Variants in IGLON5 observed in about 807,000 individuals in gnomAD.
IGLON5 encodes the protein IgLON family member 5.
A neutral mutation model predicts 38.2 loss-of-function variants in IGLON5; 16 were observed. The observed-to-expected ratio is 0.42, with a 90% CI of 0.28 to 0.64. IGLON5 has a LOEUF of 0.64. Ranked by LOEUF, IGLON5 falls within the 30% of genes least tolerant of loss-of-function variation. IGLON5 has a pLI of 0.23. For missense variants in IGLON5, 366 were observed against 483.4 expected (o/e 0.76, Z 2.28); for synonymous variants, 207 against 216.4 (o/e 0.96, Z 0.38).
At chr19:51,326,083 C>T (rs955551950) in intron 4 of IGLON5, among the ~76,000 whole-genome samples, 7 of 152,100 alleles carry the variant, frequency 4.6e-5, no homozygotes, top group African/African-American at 1.7e-4. Flanking sequence ...ACCCACCAGC[C>T]CTTTTATGTG....
At chr19:51,315,008 C>T (rs73932710) in intron 1 of IGLON5, among the ~76,000 whole-genome samples, 4,853 of 152,166 alleles carry the variant, frequency 0.032, 269 homozygotes, top group African/African-American at 0.11. Context: ...AAAATAGAAA[C>T]AAAATAAGCC....
rs925158830 is a variant in IGLON5 at position 51,326,970 on chromosome 19, A to G, written c.646+72A>G. On this transcript the variant is annotated intron_variant, in intron 5 of 7. Coordinates refer to ENST00000270642, the MANE Select transcript of IGLON5 (RefSeq NM_001101372.3). ...TCCCTGGGGAGGAGGGATCTGGGGG[A>G]AGAGGAAGCGGGGGCGAGACTTACG... is the stretch of plus-strand genomic sequence containing the variant. 1.9e-6 allele frequency: 3 copies of G among 1,572,392 alleles called. No individual in the cohort carries two copies. The African/African-American group carries it at 4.1e-5, about 21-fold the overall frequency.
rs560149565 is a variant in IGLON5 at position 51,311,964 on chromosome 19, G to T, written c.79+38G>T. ...CGGGGGCGGGGGGCTCGGCCGGGACGCCAGGGTCTTGGGTGGGTAATCGGG... is the reference window on the plus strand; with the variant it reads ...CGGGGGCGGGGGGCTCGGCCGGGACTCCAGGGTCTTGGGTGGGTAATCGGG... On this transcript the variant is annotated intron_variant, in intron 1 of 7. Transcript: ENST00000270642. The T allele has an allele frequency of 2.1e-3, 2,487 of 1,180,968 alleles. 40 individuals are homozygous for T. The African/African-American group carries it at 0.034, about 16-fold the overall frequency. The allele number at this position is 1,180,968 out of a possible 1,614,324, so 73.2% of individuals were successfully genotyped here. A position where few individuals can be genotyped will look rare whatever the true frequency, so the allele number is the denominator to read the frequency against.
Position 51,325,700 on chromosome 19 carries a change from G to C in IGLON5, c.511+235G>C, listed in dbSNP as rs1475659131. ...CTGGGCCACTGCTTCTGCGTCACTT[G>C]CCAAACCCCAGCCTGCGTCACTTCC... On this transcript the variant is annotated intron_variant, in intron 4 of 7. Transcript: ENST00000270642. This position sits in a 1 kb window ranked among gnomAD's most constrained non-coding sequence, Gnocchi z 5.5. 3.3e-5 allele frequency among the ~76,000 whole-genome samples: 5 copies of C among 152,072 alleles called. No homozygotes were observed. The highest frequency in any genetic ancestry group is 9.7e-5 in the African/African-American group (4 of 41,378).
rs1447415027 is a variant in IGLON5, at chr19:51,326,766, G to C, written c.514G>C (p.Gly172Arg). 2.4e-5 allele frequency: 37 copies of C among 1,547,536 alleles called. No homozygotes were observed. In the Admixed American group the frequency reaches 7.1e-4, roughly 30 times the overall value. ...PTVTWRQLRD[G>R]FTSEGEILEI... ...CCTCCTCCTCCTTCCCCCCACAGAC[G>C]GCTTCACCTCGGAGGGAGAGATCCT... Residue 172 changes from glycine to arginine, a missense_variant and splice_region_variant, in exon 5 of 8, where the codon GGC becomes CGC. By Grantham distance (125) the Gly-to-Arg change is moderately radical (BLOSUM62 -2). Transcript: ENST00000270642.
Position 51,327,889 on chromosome 19 carries a change from G to C in IGLON5, c.922+3G>C. On this transcript the variant is annotated splice_donor_region_variant and intron_variant, in intron 7 of 7. Transcript: ENST00000270642. This position sits in a 1 kb window ranked among gnomAD's most constrained non-coding sequence, Gnocchi z 7.1. ...CAGCGCCTCCATGCGGCTCCTGCGT[G>C]CGTCTTCGGGCGGGGCGGGGCCGGG... is the stretch of plus-strand genomic sequence containing the variant. 2 of 1,499,632 alleles carry C rather than the reference G, an allele frequency of 1.3e-6. No individual in the cohort carries two copies. The highest frequency in any genetic ancestry group is 1.8e-6 in the Non-Finnish European group (2 of 1,122,652). The allele number at this position is 1,499,632 out of a possible 1,614,324, so 92.9% of individuals were successfully genotyped here. A position where few individuals can be genotyped will look rare whatever the true frequency, so the allele number is the denominator to read the frequency against.
chr19:51,316,344 CAAAA>C (rs552905197), intron 1 of IGLON5, among the ~76,000 whole-genome samples: 5 of 83,626 alleles, frequency 6.0e-5, no homozygotes, highest in Non-Finnish European at 5.0e-5. Flanking sequence ...TACCCTGTCT[CAAAA>C]AAAAAAAAAA....
In IGLON5 at chr19:51,316,519, A is replaced by G. The variant is rs181834761; in HGVS notation, c.79+4593A>G. On this transcript the variant is annotated intron_variant, in intron 1 of 7. Transcript: ENST00000270642. The stretch of plus-strand genomic sequence containing the variant: ...TTTTCTTTTTTTTTTTTTAAGACGG[A>G]GTCTCGCTGTGTCACCCAGGCTGGA... Among the ~76,000 whole-genome samples, 819 of 131,846 alleles carry G rather than the reference A, an allele frequency of 6.2e-3. 7 individuals carry two copies. Among genetic ancestry groups the G allele is most frequent in the African/African-American group, 0.023 (791 of 34,772 alleles). The allele number at this position is 131,846 out of a possible 152,430, so 86.5% of individuals were successfully genotyped here. A position where few individuals can be genotyped will look rare whatever the true frequency, so the allele number is the denominator to read the frequency against.
At chr19:51,323,595 C>A (rs1020288214) in intron 2 of IGLON5, 67 bp from the exon 3 acceptor site, 29 of 1,397,140 alleles carry the variant, frequency 2.1e-5, no homozygotes, top group Non-Finnish European at 2.7e-5. Flanking sequence ...TCCCACCCAC[C>A]CCCTCGGTGG....
intron 1 of IGLON5, among the ~76,000 whole-genome samples, chr19:51,315,744 G>A (rs1226748494): frequency 7.2e-6 from 1 of 139,234 alleles, no homozygotes; most frequent in Non-Finnish European, 1.5e-5. Flanking sequence ...CGCCCAGGCT[G>A]GAGTGCAGTG....
Position 51,330,275 on chromosome 19 carries a change from G to C in IGLON5, c.*1516G>C, listed in dbSNP as rs1319139991. 1 of 152,190 alleles carries C rather than the reference G, an allele frequency of 6.6e-6. No individual in the cohort carries two copies. The allele number at this position is 152,190 out of a possible 1,614,324, so 9.4% of individuals were successfully genotyped here. A position where few individuals can be genotyped will look rare whatever the true frequency, so the allele number is the denominator to read the frequency against. On this transcript the variant is annotated 3_prime_UTR_variant, in exon 8 of 8. Transcript: ENST00000270642. Reference sequence around the variant, plus strand: ...GACAGGGGAGGGATGCTAGGGAGGGGGTGGGGGGCCCTGGGGGCCATGTGT... The same window carrying C: ...GACAGGGGAGGGATGCTAGGGAGGGCGTGGGGGGCCCTGGGGGCCATGTGT...
In IGLON5 at chr19:51,323,738, T is replaced by C; in HGVS notation, c.235T>C (p.Trp79Arg). 6.2e-7 allele frequency: 1 copy of C among 1,613,964 alleles called. No homozygotes were observed. Among genetic ancestry groups the C allele is most frequent in the Non-Finnish European group, 8.5e-7 (1 of 1,179,888 alleles). Reference protein sequence around the residue: ...SNILYAGNDRWTSDPRVRLLI... With the variant: ...SNILYAGNDRRTSDPRVRLLI... ...CATCCTGTATGCCGGCAATGACCGC[T>C]GGACCAGCGACCCGCGGGTGCGGCT... The change falls in exon 3 of 8, where the codon TGG becomes CGG. Residue 79 changes from tryptophan to arginine, a missense_variant. Transcript: ENST00000270642.
chr19:51,320,067 A>G (rs10416850), intron 1 of IGLON5, among the ~76,000 whole-genome samples: 86,441 of 151,606 alleles, frequency 0.57, 24,920 homozygotes, highest in Admixed American at 0.64. Context: ...GCACGCGTGC[A>G]TCCATCATCC....
Position 51,328,998 on chromosome 19 carries a change from C to A in IGLON5, c.*239C>A. ...CCATTCTCGCCACCCGTTCACGTTT[C>A]CGATTGTGACCCACTCCCGCCACCC... On this transcript the variant is annotated 3_prime_UTR_variant, in exon 8 of 8. Transcript: ENST00000270642. 2.2e-6 allele frequency: 1 copy of A among 448,370 alleles called. No individual in the cohort carries two copies. The highest frequency in any genetic ancestry group is 3.2e-5 in the South Asian group (1 of 31,316). The allele number at this position is 448,370 out of a possible 1,614,324, so 27.8% of individuals were successfully genotyped here.
At chr19:51,320,033 A>G (rs994227931) in intron 1 of IGLON5, among the ~76,000 whole-genome samples, 2 of 151,224 alleles carry the variant, frequency 1.3e-5, no homozygotes, top group East Asian at 2.0e-4. Flanking sequence ...CTGTGTGTGT[A>G]TGTGTGTGTG....
chr19:51,315,276 G>GA (rs138510825), intron 1 of IGLON5, among the ~76,000 whole-genome samples: 17,779 of 152,224 alleles, frequency 0.12, 1,776 homozygotes, highest in African/African-American at 0.27. Flanking sequence ...TGATGGTCAG[G>GA]AGGGGGCAGG....
chr19:51,319,849 G>A (rs148319634), intron 1 of IGLON5, among the ~76,000 whole-genome samples: 72 of 152,084 alleles, frequency 4.7e-4, no homozygotes, highest in Middle Eastern at 3.4e-3. Context: ...GGGTGGGACT[G>A]TCTCCTGTGT....
intron 1 of IGLON5, among the ~76,000 whole-genome samples, chr19:51,317,318 G>A (rs1376839565): frequency 6.6e-6 from 1 of 152,216 alleles, no homozygotes; most frequent in Admixed American, 6.5e-5. Flanking sequence ...ACGGCTGTTT[G>A]CAAGCACTTA....
At position 51,327,064 on chromosome 19, in the gene IGLON5, C is replaced by T; in HGVS notation, c.647-16C>T. 2 of 1,603,750 alleles carry T rather than the reference C, an allele frequency of 1.2e-6. No individual in the cohort carries two copies. The highest frequency in any genetic ancestry group is 1.7e-6 in the Non-Finnish European group (2 of 1,174,208). Reference sequence around the variant, plus strand: ...CACGCGGCTAGGAGAATTCGCTGACCCTTGCCCCTCGCCAGATCCTCCGAC... The same window carrying T: ...CACGCGGCTAGGAGAATTCGCTGACTCTTGCCCCTCGCCAGATCCTCCGAC... On this transcript the variant is annotated splice_polypyrimidine_tract_variant and intron_variant, in intron 5 of 7. Transcript: ENST00000270642. This position sits in a 1 kb window ranked among gnomAD's most constrained non-coding sequence, Gnocchi z 7.1.
Sources: gnomAD v4.1 joint callset for allele counts (sites outside exome capture counted in the v4.1 genomes callset) on GRCh38, gnomAD v4.1.1 for gene constraint, Gnocchi (gnomAD v3.1) non-coding constraint, MANE v1.5 for transcripts, NCBI Gene and HGNC (gene_info 2026-07-23, HGNC 2026-07-21) for gene names.